The following CPAMD8 variants were observed in gnomAD, a reference collection of about 807,000 sequenced individuals.
CPAMD8 encodes C3 and PZP like alpha-2-macroglobulin domain containing 8.
Under a neutral mutation model 224.7 loss-of-function variants are expected in CPAMD8, and 146 were observed. The observed-to-expected ratio is 0.65, with a 90% CI of 0.57 to 0.75. The LOEUF (loss-of-function observed/expected upper bound fraction) is 0.75, where lower values mean the gene tolerates loss of function less well. Ranked by LOEUF, CPAMD8 falls within the 30% of genes least tolerant of loss-of-function variation. The pLI is 0.00. For missense variants in CPAMD8, 2,301 were observed against 2,537.5 expected, an observed-to-expected ratio of 0.91 and a Z score of 2.00; for synonymous variants, 966 against 1,044.6, an observed-to-expected ratio of 0.92 and a Z score of 1.45.
chr19:16,934,611 T>C (rs1472653820), intron 23 of CPAMD8, among the ~76,000 whole-genome samples: 1 of 152,140 alleles, frequency 6.6e-6, no homozygotes, highest in African/African-American at 2.4e-5. Flanking sequence ...GCAGCATATA[T>C]AATTACATAG....
intron 41 of CPAMD8, chr19:16,894,329 G>T (rs1258472988): frequency 4.5e-6 from 2 of 441,882 alleles, no homozygotes; most frequent in East Asian, 1.4e-4. Flanking sequence ...CCTGGGCTGA[G>T]GTCTGCCCAC....
At chr19:16,904,176 A>ACGCCC in intron 32 of CPAMD8, 50 bp downstream of exon 32, 27 of 937,336 alleles carry the variant, frequency 2.9e-5, no homozygotes, top group Middle Eastern at 3.2e-4. Flanking sequence ...GACTGCAGGG[A>ACGCCC]CCCCACCCAC....
intron 25 of CPAMD8, among the ~76,000 whole-genome samples, chr19:16,927,334 C>T (rs2053399496): frequency 6.6e-6 from 1 of 152,080 alleles, no homozygotes; most frequent in Non-Finnish European, 1.5e-5. Context: ...TTCTCTCATT[C>T]TCCCTGGGAC....
At position 17,009,463 on chromosome 19, in the gene CPAMD8, A is replaced by C; in HGVS notation, c.487-143T>G. The C allele has an allele frequency of 3.6e-6, 5 of 1,405,320 alleles. No homozygotes were observed. In the South Asian group the frequency reaches 6.5e-5, roughly 18 times the overall value. 87.1% of individuals were successfully genotyped at this position (1,405,320 alleles called of 1,614,324 possible). A position where few individuals can be genotyped will look rare whatever the true frequency, so the allele number is the denominator to read the frequency against. On this transcript the variant is annotated intron_variant, in intron 5 of 41. Coordinates refer to ENST00000443236, the MANE Select transcript of CPAMD8 (RefSeq NM_015692.5). ...TGTCCCCCTAGATTACATCCGTTGA[A>C]TCCTAACCCCAAGTAGGGTCTTTAG...
At chr19:16,905,582 A>C (rs1224831811) in intron 30 of CPAMD8, among the ~76,000 whole-genome samples, 1 of 150,698 alleles carries the variant, frequency 6.6e-6, no homozygotes, top group Non-Finnish European at 1.5e-5. Flanking sequence ...AAAAAAAAAA[A>C]AAAAGAAAAA....
At chr19:17,000,931 C>T (rs965209489) in intron 9 of CPAMD8, among the ~76,000 whole-genome samples, 4 of 152,200 alleles carry the variant, frequency 2.6e-5, no homozygotes, top group Non-Finnish European at 5.9e-5. Flanking sequence ...GAGAATGGGA[C>T]TCAAACTACC....
chr19:16,945,497 G>T (rs1395322954), intron 22 of CPAMD8, 52 bp downstream of exon 22: 2 of 1,592,302 alleles, frequency 1.3e-6, no homozygotes, highest in Non-Finnish European at 1.7e-6. Flanking sequence ...CAGCTTCATG[G>T]CTGAAGGAAT....
chr19:17,012,010 G>A (rs1286031509), intron 3 of CPAMD8, among the ~76,000 whole-genome samples: 1 of 152,140 alleles, frequency 6.6e-6, no homozygotes, highest in Non-Finnish European at 1.5e-5. Context: ...CCCGCCCTTG[G>A]CAAACTGCCC....
intron 20 of CPAMD8, among the ~76,000 whole-genome samples, chr19:16,950,320 A>AT (rs752571571): frequency 9.2e-5 from 14 of 152,020 alleles, no homozygotes; most frequent in South Asian, 2.1e-4. Context: ...AAATAAATAA[A>AT]TAATAATGCA....
At chr19:16,997,452 G>A (rs1246113219) in intron 10 of CPAMD8, 114 bp from the exon 11 acceptor site, 1 of 688,668 alleles carries the variant, frequency 1.5e-6, no homozygotes, top group East Asian at 2.7e-5. Flanking sequence ...GAGGGCCAGG[G>A]GTCACTTGGT....
chr19:16,917,992 T>C (rs1478039289), intron 27 of CPAMD8, among the ~76,000 whole-genome samples: 1 of 152,092 alleles, frequency 6.6e-6, no homozygotes, highest in Non-Finnish European at 1.5e-5. Context: ...TCCCGTGAAC[T>C]TTATTTTTTA....
intron 23 of CPAMD8, among the ~76,000 whole-genome samples, chr19:16,930,062 C>T (rs1239582434): frequency 6.6e-6 from 1 of 152,042 alleles, no homozygotes; most frequent in Non-Finnish European, 1.5e-5. Context: ...TGAGACCAAC[C>T]TGACCCACAT....
intron 32 of CPAMD8, 46 bp downstream of exon 32, chr19:16,904,180 C>CCCCCCCCCCCCCCCT: frequency 1.2e-6 from 1 of 864,656 alleles, no homozygotes; most frequent in Non-Finnish European, 1.8e-6. Context: ...GCAGGGACCC[C>CCCCCCCCCCCCCCCT]ACCCACCCAG....
intron 11 of CPAMD8, among the ~76,000 whole-genome samples, 189 bp from the exon 12 acceptor site, chr19:16,993,775 AAAG>A (rs1328170830): frequency 3.3e-5 from 5 of 152,166 alleles, no homozygotes; most frequent in African/African-American, 7.2e-5. Flanking sequence ...AGGGAACAAA[AAAG>A]AAGGACTCAC....
chr19:16,964,757 T>C (rs1599796393), intron 18 of CPAMD8, among the ~76,000 whole-genome samples: 1 of 152,118 alleles, frequency 6.6e-6, no homozygotes, highest in Admixed American at 6.5e-5. Context: ...TTTAGACCAA[T>C]ATCCTTGATG....
At chr19:16,906,062 G>A (rs2052464549) in intron 30 of CPAMD8, among the ~76,000 whole-genome samples, 1 of 152,102 alleles carries the variant, frequency 6.6e-6, no homozygotes, top group Admixed American at 6.5e-5. Flanking sequence ...GTTCTCTGCT[G>A]GGGATCCCTC....
At position 16,902,744 on chromosome 19, in the gene CPAMD8, C is replaced by G. The variant is rs930444774; in HGVS notation, c.4590G>C (p.Glu1530Asp). ...CTGGGGGCCAGTCTCCTCGGGAACC[C>G]TCAGCTGCGGAGGCAGGCATGGGGG... is the stretch of plus-strand genomic sequence containing the variant. ...RPPPMPASAA[E>D]GSRGDWPPAD... The change falls in exon 35 of 42, where the codon GAG (glutamate) becomes GAC (aspartate). Residue 1530 changes from glutamate (E) to aspartate (D), a missense_variant. Glu to Asp is a conservative substitution (Grantham distance 45). Coordinates refer to ENST00000443236, the MANE Select transcript of CPAMD8 (RefSeq NM_015692.5). The G allele has an allele frequency of 1.3e-6, 2 of 1,597,638 alleles. No individual in the cohort carries two copies.
chr19:16,998,231 C>T (rs557554308), intron 10 of CPAMD8, among the ~76,000 whole-genome samples: 11 of 152,184 alleles, frequency 7.2e-5, no homozygotes, highest in South Asian at 2.1e-4. Context: ...AGGCCAGCAG[C>T]GGCAGATCAC....
At chr19:16,913,013 G>A (rs1043394762) in intron 29 of CPAMD8, among the ~76,000 whole-genome samples, 3 of 152,184 alleles carry the variant, frequency 2.0e-5, no homozygotes, top group East Asian at 3.9e-4. Flanking sequence ...TACAGGGCCA[G>A]AATAAGAATA....
Sources: allele counts gnomAD v4.1 joint callset (sites outside exome capture counted in the v4.1 genomes callset), GRCh38; gene constraint gnomAD v4.1.1; transcripts MANE v1.5; gene names NCBI Gene and HGNC (gene_info 2026-07-23, HGNC 2026-07-21).